Variants in CLVS1 observed in about 807,000 individuals in gnomAD.
CLVS1 encodes the protein clavesin-1.
Under a neutral mutation model 33.1 loss-of-function variants are expected in CLVS1, and 10 were observed. The ratio of observed to expected loss-of-function variants is 0.30; its 90% CI spans 0.19 to 0.51. The LOEUF is 0.51. Among genes scored for constraint, CLVS1 ranks in the 20% least tolerant of loss-of-function variants. CLVS1 has a pLI of 0.97. For synonymous variants in CLVS1, 163 were observed against 166.1 expected (o/e 0.98, Z 0.14); for missense variants, 343 against 433.4 (o/e 0.79, Z 1.85).
intron 5 of CLVS1, among the ~76,000 whole-genome samples, chr8:61,484,559 C>T (rs923679666): frequency 3.3e-5 from 5 of 152,292 alleles, no homozygotes; most frequent in African/African-American, 1.2e-4. Context: ...CATCAAGCTA[C>T]CAATGACTTT....
intron 2 of CLVS1, among the ~76,000 whole-genome samples, chr8:61,194,660 A>G (rs1807565534): frequency 6.6e-6 from 1 of 151,936 alleles, no homozygotes; most frequent in Non-Finnish European, 1.5e-5. Flanking sequence ...CAGAAAAATT[A>G]GTAAAGTTAT....
chr8:61,172,352 G>A (rs1399651285), intron 2 of CLVS1, among the ~76,000 whole-genome samples: 1 of 152,120 alleles, frequency 6.6e-6, no homozygotes, highest in African/African-American at 2.4e-5. Flanking sequence ...TGAGTTTGAA[G>A]TGACTTTGAG....
At chr8:61,249,480 C>T (rs953218325) in intron 2 of CLVS1, among the ~76,000 whole-genome samples, 1 of 152,148 alleles carries the variant, frequency 6.6e-6, no homozygotes, top group Non-Finnish European at 1.5e-5. Context: ...GTTCTGGATC[C>T]TTGAGGAATC....
At chr8:61,448,049 T>G (rs1260837211) in intron 3 of CLVS1, among the ~76,000 whole-genome samples, 1 of 152,130 alleles carries the variant, frequency 6.6e-6, no homozygotes, top group East Asian at 1.9e-4. Flanking sequence ...TTCCTTTTTT[T>G]CAGTACCTGA....
At chr8:61,132,349 G>A (rs942793712) in intron 2 of CLVS1, among the ~76,000 whole-genome samples, 9 of 152,336 alleles carry the variant, frequency 5.9e-5, no homozygotes, top group Middle Eastern at 3.4e-3. Context: ...CACAGGAGCT[G>A]TGCATGCCAG....
intron 1 of CLVS1, among the ~76,000 whole-genome samples, chr8:61,077,960 A>T (rs1585593041): frequency 1.3e-5 from 2 of 152,142 alleles, no homozygotes; most frequent in South Asian, 4.1e-4. Context: ...TGTTCTTGAG[A>T]TAGACTGAGC....
intron 2 of CLVS1, among the ~76,000 whole-genome samples, chr8:61,374,425 C>G (rs1306510390): frequency 6.6e-6 from 1 of 152,162 alleles, no homozygotes; most frequent in Non-Finnish European, 1.5e-5. Flanking sequence ...CTCCCTGATG[C>G]CCTAATGATC....
At chr8:61,036,426 T>G in the CLVS1 span, among the ~76,000 whole-genome samples, 6 of 152,192 alleles carry the variant, frequency 3.9e-5, no homozygotes, top group Admixed American at 3.9e-4. Context: ...GTGACTTCAC[T>G]TGGTAGCACT....
the CLVS1 span, among the ~76,000 whole-genome samples, chr8:61,032,711 G>C: frequency 4.6e-5 from 7 of 152,098 alleles, no homozygotes; most frequent in Non-Finnish European, 1.0e-4. Context: ...AAACCACAGA[G>C]GAAGAGCAGG....
chr8:60,971,790 T>C, the CLVS1 span, among the ~76,000 whole-genome samples: 1 of 152,172 alleles, frequency 6.6e-6, no homozygotes, highest in Non-Finnish European at 1.5e-5. Flanking sequence ...TTCTGAGAAC[T>C]GAATCGAGAA....
At chr8:61,063,260 C>CGAGAGAGAGAGAGAGAGAGAGAGAGA (rs555022524) in intron 1 of CLVS1, among the ~76,000 whole-genome samples, 1 of 81,990 alleles carries the variant, frequency 1.2e-5, no homozygotes, top group African/African-American at 6.3e-5. Context: ...AGTGAGGAAG[C>CGAGAGAGAGAGAGAGAGAGAGAGAGA]GAGAGAGAGA....
chr8:61,094,576 C>T (rs1164432007), intron 1 of CLVS1, among the ~76,000 whole-genome samples: 1 of 152,018 alleles, frequency 6.6e-6, no homozygotes, highest in African/African-American at 2.4e-5. Flanking sequence ...AAGCCCAAAC[C>T]CCAGTACCTT....
At chr8:61,001,758 A>G in the CLVS1 span, among the ~76,000 whole-genome samples, 37 of 152,318 alleles carry the variant, frequency 2.4e-4, no homozygotes, top group African/African-American at 8.4e-4. Context: ...GCTCCGGCTA[A>G]ACTCAACTAC....
rs370697484 is a variant in CLVS1 at position 61,294,281 on chromosome 8, A to G, written c.-151-5396A>G. On this transcript the variant is annotated intron_variant, in intron 1 of 5. Transcript: ENST00000325897. ...TGCAAATCTTTGTTCTTTCAGCCAT[A>G]TCTAAATCTCAGATTCATCTTTTCA... 2.3e-3 allele frequency among the ~76,000 whole-genome samples: 355 copies of G among 152,264 alleles called. 1 individual carries two copies. The highest frequency in any genetic ancestry group is 8.2e-3 in the African/African-American group (340 of 41,570).
chr8:61,278,596 A>G (rs1809607817), intron 2 of CLVS1, among the ~76,000 whole-genome samples: 1 of 152,220 alleles, frequency 6.6e-6, no homozygotes, highest in Non-Finnish European at 1.5e-5. Context: ...TTATTTGGTT[A>G]TATGTGTTAG....
chr8:61,192,723 T>A (rs903494542), intron 2 of CLVS1, among the ~76,000 whole-genome samples: 5 of 152,042 alleles, frequency 3.3e-5, no homozygotes, highest in Non-Finnish European at 7.4e-5. Context: ...ATGAACAGAC[T>A]CTTCTCAAAA....
intron 1 of CLVS1, among the ~76,000 whole-genome samples, chr8:61,111,430 T>C (rs541731794): frequency 2.6e-5 from 4 of 152,202 alleles, no homozygotes; most frequent in Non-Finnish European, 5.9e-5. Flanking sequence ...CAGGCTGACA[T>C]GCTAAATTAT....
chr8:61,235,722 AG>A, intron 2 of CLVS1, among the ~76,000 whole-genome samples: 1 of 152,320 alleles, frequency 6.6e-6, no homozygotes, highest in Non-Finnish European at 1.5e-5. Flanking sequence ...CACAAACATC[AG>A]GTGATTTGAG....
At chr8:61,059,686 C>T (rs1461609848) in intron 1 of CLVS1, among the ~76,000 whole-genome samples, 1 of 151,050 alleles carries the variant, frequency 6.6e-6, no homozygotes, top group Non-Finnish European at 1.5e-5. Flanking sequence ...TGACGTGTGC[C>T]TCTGATCCCA....
Sources: gnomAD v4.1 joint callset for allele counts (sites outside exome capture counted in the v4.1 genomes callset) on GRCh38, gnomAD v4.1.1 for gene constraint, MANE v1.5 for transcripts, NCBI Gene and HGNC (gene_info 2026-07-23, HGNC 2026-07-21) for gene names.